The following PARD6G variants were observed in gnomAD, a reference collection of about 807,000 sequenced individuals.
PARD6G encodes the protein partitioning defective 6 homolog gamma.
PARD6G carries 7 observed loss-of-function variants against 10.7 expected under a neutral mutation model. That is an observed-to-expected ratio of 0.66 (90% CI 0.37 to 1.23). The LOEUF is 1.23. Among genes scored for constraint, PARD6G ranks in the 50% most tolerant of loss-of-function variants. PARD6G has a pLI of 0.02. For missense variants in PARD6G, 548 were observed against 571.8 expected, an observed-to-expected ratio of 0.96 and a Z score of 0.42; for synonymous variants, 287 against 269.4, an observed-to-expected ratio of 1.07 and a Z score of -0.64.
At chr18:80,178,858 A>G (rs11664130) in intron 2 of PARD6G, among the ~76,000 whole-genome samples, 1 of 151,990 alleles carries the variant, frequency 6.6e-6, no homozygotes, top group African/African-American at 2.4e-5. Flanking sequence ...GAGCAGGTCC[A>G]CCCAAAACAG....
rs1418329402 is a variant in PARD6G, at chr18:80,159,507, G to A, written c.*264C>T. The A allele has an allele frequency of 2.5e-6, 1 of 408,126 alleles. No homozygotes were observed. The allele number at this position is 408,126 out of a possible 1,614,324, so 25.3% of individuals were successfully genotyped here. ...AAAAGCATTTTTTTGCACTTGGTCA[G>A]ATCTTTTCTATCACTTTGCAAAGGC... On this transcript the variant is annotated 3_prime_UTR_variant, in exon 3 of 3. Transcript: ENST00000353265.
At chr18:80,162,699 G>A (rs900536863) in intron 2 of PARD6G, 2 of 167,878 alleles carry the variant, frequency 1.2e-5, no homozygotes, top group Non-Finnish European at 2.9e-5. Flanking sequence ...AACACCGTGA[G>A]ACTGGATGTG....
At chr18:80,234,714 G>A (rs1304707693) in intron 1 of PARD6G, among the ~76,000 whole-genome samples, 1 of 152,038 alleles carries the variant, frequency 6.6e-6, no homozygotes, top group Non-Finnish European at 1.5e-5. Context: ...GTGAGTGACT[G>A]GTGAGACTCA....
rs2052804597 is a variant in PARD6G, at chr18:80,175,732, C to T, written c.296-15126G>A. 6.2e-6 allele frequency: 1 copy of T among 160,656 alleles called. No homozygotes were observed. Among genetic ancestry groups the T allele is most frequent in the Non-Finnish European group, 1.5e-5 (1 of 68,100 alleles). The allele number at this position is 160,656 out of a possible 1,614,324, so 10.0% of individuals were successfully genotyped here. On this transcript the variant is annotated intron_variant, in intron 2 of 2. Coordinates refer to ENST00000353265, the MANE Select transcript of PARD6G (RefSeq NM_032510.4). This position sits in a 1 kb window ranked among gnomAD's most constrained non-coding sequence, Gnocchi z 6.7. ...GGTGTTTGGGCTTTTGCCAAATGTT[C>T]ACCATCACAAAAAAACACCACAGCG... is the stretch of plus-strand genomic sequence containing the variant.
intron 1 of PARD6G, among the ~76,000 whole-genome samples, chr18:80,206,873 G>A (rs1967058731): frequency 6.6e-6 from 1 of 151,990 alleles, no homozygotes; most frequent in African/African-American, 2.4e-5. Context: ...TGGATGGCTA[G>A]TGATTATCAA....
At chr18:80,224,240 G>A (rs1354780252) in intron 1 of PARD6G, among the ~76,000 whole-genome samples, 1 of 152,106 alleles carries the variant, frequency 6.6e-6, no homozygotes, top group South Asian at 2.1e-4. Context: ...TTACCTTCCA[G>A]GTTAAAAGAT....
In PARD6G at chr18:80,204,607, A is replaced by T. The variant is rs375111779; in HGVS notation, c.73-1675T>A. Among the ~76,000 whole-genome samples, 225 of 141,042 alleles carry T rather than the reference A, an allele frequency of 1.6e-3. 2 individuals are homozygous for T. Among genetic ancestry groups the T allele is most frequent in the African/African-American group, 5.5e-3 (212 of 38,528 alleles). The allele number at this position is 141,042 out of a possible 152,430, so 92.5% of individuals were successfully genotyped here. On this transcript the variant is annotated intron_variant, in intron 1 of 2. Coordinates refer to ENST00000353265, the MANE Select transcript of PARD6G (RefSeq NM_032510.4). ...CCATTGTGCACTGCCCTCAGCAATT[A>T]AAAAAAAAAAAAAAATCTCCAGGGC... is the stretch of plus-strand genomic sequence containing the variant.
intron 1 of PARD6G, among the ~76,000 whole-genome samples, chr18:80,221,891 A>C (rs1967234441): frequency 6.6e-6 from 1 of 152,252 alleles, no homozygotes; most frequent in African/African-American, 2.4e-5. Context: ...CTGTATTTCT[A>C]AGCAGTAGCA....
chr18:80,241,263 G>T (rs990501228), intron 1 of PARD6G, among the ~76,000 whole-genome samples: 6 of 152,096 alleles, frequency 3.9e-5, no homozygotes, highest in Admixed American at 2.6e-4. Flanking sequence ...CAGCAGCCAC[G>T]GACAACTGGT....
Position 80,160,520 on chromosome 18 carries a change from G to A in PARD6G, c.382C>T (p.Arg128Trp). The A allele has an allele frequency of 1.3e-6, 2 of 1,519,158 alleles. No homozygotes were observed. Among genetic ancestry groups the A allele is most frequent in the Admixed American group, 2.1e-5 (1 of 47,580 alleles). The allele number at this position is 1,519,158 out of a possible 1,614,324, so 94.1% of individuals were successfully genotyped here. A position where few individuals can be genotyped will look rare whatever the true frequency, so the allele number is the denominator to read the frequency against. Reference protein sequence around the residue: ...LGALRDEGPRRRAHLDIGLPR... With the variant: ...LGALRDEGPRWRAHLDIGLPR... ...AGGCCGATGTCCAGGTGTGCACGCC[G>A]CCGGGGTCCTTCATCACGCAGCGCG... The change falls in exon 3 of 3, where the codon CGG (arginine) becomes TGG (tryptophan). Residue 128 changes from arginine to tryptophan, a missense_variant. By Grantham distance (101) the Arg-to-Trp change is moderately radical. Transcript: ENST00000353265.
chr18:80,205,071 T>C (rs1967043223), intron 1 of PARD6G, among the ~76,000 whole-genome samples: 1 of 152,090 alleles, frequency 6.6e-6, no homozygotes, highest in Non-Finnish European at 1.5e-5. Context: ...CAGAACTTGG[T>C]ATTTGGACAG....
In PARD6G at chr18:80,200,418, C is replaced by T. The variant is rs1306984914; in HGVS notation, c.295+2292G>A. 6.6e-6 allele frequency among the ~76,000 whole-genome samples: 1 copy of T among 152,194 alleles called. No homozygotes were observed. The highest frequency in any genetic ancestry group is 2.4e-5 in the African/African-American group (1 of 41,444). On this transcript the variant is annotated intron_variant, in intron 2 of 2. Coordinates refer to ENST00000353265, the MANE Select transcript of PARD6G (RefSeq NM_032510.4). This position sits in a 1 kb window ranked among gnomAD's most constrained non-coding sequence, Gnocchi z 4.4. Reference sequence around the variant, plus strand: ...GAGGGGCCAGTGAAGGGCTTGTCATCAGCAGATGTCGCTGTTAAGCTCTGA... The same window carrying T: ...GAGGGGCCAGTGAAGGGCTTGTCATTAGCAGATGTCGCTGTTAAGCTCTGA...
At chr18:80,220,983 C>G (rs1967221827) in intron 1 of PARD6G, among the ~76,000 whole-genome samples, 1 of 151,976 alleles carries the variant, frequency 6.6e-6, no homozygotes, top group South Asian at 2.1e-4. Flanking sequence ...TGGACTGATT[C>G]CTAGAAAAAG....
intron 1 of PARD6G, among the ~76,000 whole-genome samples, chr18:80,216,150 C>T (rs937176371): frequency 6.6e-6 from 1 of 151,964 alleles, no homozygotes; most frequent in Non-Finnish European, 1.5e-5. Flanking sequence ...AATAGTTCAA[C>T]AATAAATGAA....
chr18:80,222,933 C>T (rs1184792364), intron 1 of PARD6G, among the ~76,000 whole-genome samples: 1 of 152,170 alleles, frequency 6.6e-6, no homozygotes, highest in Non-Finnish European at 1.5e-5. Context: ...GCCTCAGCCT[C>T]CCAAAGTGCT....
chr18:80,196,932 C>T (rs1199992817), intron 2 of PARD6G, among the ~76,000 whole-genome samples: 2 of 125,478 alleles, frequency 1.6e-5, no homozygotes, highest in Admixed American at 1.6e-4. Context: ...ATCCTCCAAA[C>T]ACACAAACTT....
intron 1 of PARD6G, among the ~76,000 whole-genome samples, chr18:80,226,311 C>T (rs1054898983): frequency 3.3e-5 from 5 of 151,804 alleles, no homozygotes; most frequent in Non-Finnish European, 7.4e-5. Flanking sequence ...GCTGGGATTA[C>T]AGGCATGTAC....
chr18:80,186,022 A>G (rs1203992040), intron 2 of PARD6G, among the ~76,000 whole-genome samples: 1 of 134,884 alleles, frequency 7.4e-6, no homozygotes, highest in Non-Finnish European at 1.6e-5. Context: ...TCACACACGC[A>G]TATACCCTGA....
intron 1 of PARD6G, among the ~76,000 whole-genome samples, chr18:80,215,095 G>A (rs900432307): frequency 2.0e-5 from 3 of 151,982 alleles, no homozygotes; most frequent in Admixed American, 6.6e-5. Flanking sequence ...GGAAGGCAGT[G>A]GGGATAATTC....
Sources: gnomAD v4.1 joint callset for allele counts (sites outside exome capture counted in the v4.1 genomes callset) on GRCh38, gnomAD v4.1.1 for gene constraint, Gnocchi (gnomAD v3.1) non-coding constraint, MANE v1.5 for transcripts, NCBI Gene and HGNC (gene_info 2026-07-23, HGNC 2026-07-21) for gene names.